Variants in TIAM1 observed in about 807,000 individuals in gnomAD.
TIAM1 encodes the protein TIAM Rac1 associated GEF 1, also known as rho guanine nucleotide exchange factor TIAM1.
TIAM1 carries 65 observed loss-of-function variants against 163.5 expected under a neutral mutation model. That is an observed-to-expected ratio of 0.40 (90% CI 0.33 to 0.49). The LOEUF is 0.49. TIAM1 is among the 20% of genes least tolerant of loss of function. TIAM1 has a pLI of 0.77. For missense variants in TIAM1, 1,789 were observed against 2,044.7 expected (o/e 0.87, Z 2.41); for synonymous variants, 833 against 810.1 (o/e 1.03, Z -0.48).
chr21:31,542,159 C>T (rs1601037907), intron 1 of TIAM1, among the ~76,000 whole-genome samples: 1 of 152,294 alleles, frequency 6.6e-6, no homozygotes, highest in Admixed American at 6.5e-5. Flanking sequence ...GGTGCGGTGG[C>T]TCACGCCTGT....
Position 31,462,441 on chromosome 21 carries a change from G to T in TIAM1, c.-369+1542C>A, listed in dbSNP as rs78877009. ...GATCCTAATGTATCCACCAGGCATA[G>T]CCGATTACACCCAGGAGTATTCTTG... On this transcript the variant is annotated intron_variant, in intron 2 of 28. Transcript: ENST00000286827. Among the ~76,000 whole-genome samples, 988 of 152,310 alleles carry T rather than the reference G, an allele frequency of 6.5e-3. 7 individuals are homozygous for T. The highest frequency in any genetic ancestry group is 0.01 in the Middle Eastern group (3 of 294).
At chr21:31,424,790 C>T (rs921516130) in intron 2 of TIAM1, among the ~76,000 whole-genome samples, 1 of 152,170 alleles carries the variant, frequency 6.6e-6, no homozygotes, top group African/African-American at 2.4e-5. Context: ...GTGGCTCACG[C>T]CTATAATCCC....
chr21:31,262,972 C>A (rs1181957982), intron 4 of TIAM1, among the ~76,000 whole-genome samples: 2 of 151,970 alleles, frequency 1.3e-5, no homozygotes, highest in Non-Finnish European at 2.9e-5. Context: ...AAAAAGCATT[C>A]TTTTCAAGGA....
At chr21:31,229,654 C>T (rs182841656) in intron 6 of TIAM1, among the ~76,000 whole-genome samples, 3,292 of 150,226 alleles carry the variant, frequency 0.022, 129 homozygotes, top group African/African-American at 0.077. Context: ...GTCTTCACCC[C>T]CCCTTTTTTT....
At chr21:31,245,443 A>G (rs754832345) in intron 6 of TIAM1, 45 bp downstream of exon 6, 1 of 1,296,126 alleles carries the variant, frequency 7.7e-7, no homozygotes, top group South Asian at 2.8e-5. Flanking sequence ...GAAGGTAGCC[A>G]GTTCAGAGGT....
chr21:31,396,568 T>C (rs949956067), intron 2 of TIAM1, among the ~76,000 whole-genome samples: 10 of 148,540 alleles, frequency 6.7e-5, no homozygotes, highest in African/African-American at 2.5e-4. Context: ...TGTAAAATGT[T>C]TAAAATTAAT....
At chr21:31,400,571 C>A (rs1325256551) in intron 2 of TIAM1, among the ~76,000 whole-genome samples, 4 of 152,206 alleles carry the variant, frequency 2.6e-5, no homozygotes, top group Admixed American at 6.5e-5. Context: ...TGGATTTTAG[C>A]TCATGGAATC....
chr21:31,245,372 T>TTA (rs1569097091), intron 6 of TIAM1, 116 bp downstream of exon 6: 4 of 209,922 alleles, frequency 1.9e-5, no homozygotes, highest in African/African-American at 4.7e-5. Flanking sequence ...ATCTCACCAC[T>TTA]AAAAAAAAAA....
In TIAM1 at chr21:31,210,657, GAA is replaced by G. The variant is rs1257821787; in HGVS notation, c.2218-444_2218-443del. On this transcript the variant is annotated intron_variant, in intron 10 of 27. Transcript: ENST00000541036. ...AGAAAGAAAGAAAGAAAGAAAGAAA[GAA>G]AGAAAGAAAAAGAAAGAAAGAAAGA... 3.1e-3 allele frequency among the ~76,000 whole-genome samples: 67 copies of G among 21,704 alleles called. 4 individuals are homozygous for G. The highest frequency in any genetic ancestry group is 8.8e-3 in the African/African-American group (40 of 4,542). The allele number at this position is 21,704 out of a possible 152,430, so 14.2% of individuals were successfully genotyped here. A position where few individuals can be genotyped will look rare whatever the true frequency, so the allele number is the denominator to read the frequency against.
Position 31,154,434 on chromosome 21 carries a change from G to A in TIAM1, c.2992-8C>T. On this transcript the variant is annotated splice_polypyrimidine_tract_variant and splice_region_variant and intron_variant, in intron 16 of 27. Transcript: ENST00000541036. ...GGCCACCTGTTCTGTACTCTTCGGA[G>A]CACAGGGGGGAAGGGAAGGCAGAGG... 6.2e-7 allele frequency: 1 copy of A among 1,610,540 alleles called. No individual in the cohort carries two copies. The highest frequency in any genetic ancestry group is 8.5e-7 in the Non-Finnish European group (1 of 1,177,438).
intron 2 of TIAM1, among the ~76,000 whole-genome samples, chr21:31,444,104 A>G (rs2044530839): frequency 6.6e-6 from 1 of 152,200 alleles, no homozygotes; most frequent in Non-Finnish European, 1.5e-5. Flanking sequence ...ATGAAAATCA[A>G]TCCTAACCTC....
At chr21:31,196,930 T>C (rs11700617) in intron 12 of TIAM1, among the ~76,000 whole-genome samples, 27,099 of 152,116 alleles carry the variant, frequency 0.18, 3,556 homozygotes, top group East Asian at 0.4. Context: ...AACAAAATCA[T>C]GTTCTTTACA....
At chr21:31,203,803 T>A (rs960658137) in intron 11 of TIAM1, among the ~76,000 whole-genome samples, 4 of 152,256 alleles carry the variant, frequency 2.6e-5, no homozygotes, top group African/African-American at 9.6e-5. Flanking sequence ...TTGTTAACAG[T>A]TCATTTGCAA....
Position 31,130,964 on chromosome 21 carries a change from T to A in TIAM1, c.3884-16A>T. On this transcript the variant is annotated splice_polypyrimidine_tract_variant and intron_variant, in intron 23 of 27. Transcript: ENST00000541036. ...GTTTTGAAGACTGGAAAAAATAAAA[T>A]AAAGACAGTTATGGTATGTCATGTG... The A allele has an allele frequency of 2.5e-6, 4 of 1,610,794 alleles. No homozygotes were observed. Among genetic ancestry groups the A allele is most frequent in the Non-Finnish European group, 3.4e-6 (4 of 1,177,928 alleles).
rs189414342 is a variant in TIAM1 at position 31,453,641 on chromosome 21, T to C, written c.-369+10342A>G. On this transcript the variant is annotated intron_variant, in intron 2 of 28. Transcript: ENST00000286827. ...CCAGGAGGCAGAGGTTGCAGTGAGA[T>C]TGCGCCACTGCACTCCAACCTGGGC... Among the ~76,000 whole-genome samples the C allele has an allele frequency of 3.3e-5, 5 of 151,414 alleles. No homozygotes were observed. The East Asian group carries it at 7.8e-4, about 24-fold the overall frequency.
chr21:31,195,983 C>T (rs569684869), intron 12 of TIAM1, among the ~76,000 whole-genome samples: 55 of 152,200 alleles, frequency 3.6e-4, no homozygotes, highest in African/African-American at 1.3e-3. Flanking sequence ...AATAAACAGA[C>T]AATCTACAGT....
rs1325388128 is a variant in TIAM1 at position 31,225,893 on chromosome 21, T to C, written c.1642A>G (p.Thr548Ala). The C allele has an allele frequency of 3.1e-6, 5 of 1,614,068 alleles. No homozygotes were observed. Among genetic ancestry groups the C allele is most frequent in the Non-Finnish European group, 4.2e-6 (5 of 1,180,048 alleles). The change falls in exon 7 of 28, where the codon ACT becomes GCT. Residue 548 changes from threonine to alanine, a missense_variant. By Grantham distance (58) the Thr-to-Ala change is moderately conservative. Transcript: ENST00000541036. Reference sequence around the variant, plus strand: ...TTGTGGTGGTGCCTCGCGACCGCAGTGGCGCAGGCAGAGTGGATGGCGGTG... The same window carrying C: ...TTGTGGTGGTGCCTCGCGACCGCAGCGGCGCAGGCAGAGTGGATGGCGGTG... ...WITAIHSACA[T>A]AVARHHHKED...
At chr21:31,222,678 T>A (rs7277061) in intron 8 of TIAM1, among the ~76,000 whole-genome samples, 9,593 of 37,712 alleles carry the variant, frequency 0.25, 1,479 homozygotes, top group African/African-American at 0.53. Flanking sequence ...TACACATACA[T>A]ATATATATAT....
chr21:31,284,449 C>CA (rs1569161192), intron 2 of TIAM1, among the ~76,000 whole-genome samples: 1 of 152,128 alleles, frequency 6.6e-6, no homozygotes, highest in Non-Finnish European at 1.5e-5. Flanking sequence ...GGACACACAG[C>CA]AGGGGGGGTG....
Sources: allele counts gnomAD v4.1 joint callset (sites outside exome capture counted in the v4.1 genomes callset), GRCh38; gene constraint gnomAD v4.1.1; transcripts MANE v1.5; gene names NCBI Gene and HGNC (gene_info 2026-07-23, HGNC 2026-07-21).